RGS6: variants seen among roughly 807,000 people sequenced by gnomAD.
The protein encoded by RGS6 is regulator of G-protein signaling 6.
RGS6 carries 30 observed loss-of-function variants against 78.5 expected under a neutral mutation model. The observed-to-expected ratio is 0.38, with a 90% CI of 0.29 to 0.52. The LOEUF is 0.52. Among genes scored for constraint, RGS6 ranks in the 20% least tolerant of loss-of-function variants. RGS6 has a pLI of 0.85. For missense variants in RGS6, 495 were observed against 609.7 expected, an observed-to-expected ratio of 0.81 and a Z score of 1.98; for synonymous variants, 206 against 206.0, an observed-to-expected ratio of 1.00 and a Z score of 0.00.
At chr14:71,873,745 G>T in the RGS6 span, among the ~76,000 whole-genome samples, 1 of 152,132 alleles carries the variant, frequency 6.6e-6, no homozygotes, top group South Asian at 2.1e-4. Flanking sequence ...GTATTGCCTA[G>T]GTTTTCTTCT....
intron 13 of RGS6, among the ~76,000 whole-genome samples, chr14:72,500,064 C>T (rs1011977000): frequency 3.3e-5 from 5 of 152,226 alleles, no homozygotes; most frequent in African/African-American, 1.2e-4. Flanking sequence ...AATGAACTTC[C>T]TCTTTTGTTC....
rs1416628514 is a variant in RGS6, at chr14:72,327,017, T to C, written c.85-25078T>C. Among the ~76,000 whole-genome samples the C allele has an allele frequency of 4.6e-5, 7 of 152,228 alleles. 1 individual carries two copies. In the South Asian group the frequency reaches 8.3e-4, roughly 18 times the overall value. On this transcript the variant is annotated intron_variant, in intron 2 of 17. Coordinates refer to ENST00000553525, the MANE Select transcript of RGS6 (RefSeq NM_001204424.2). ...CCGTTGCGCCCGGCCAGGTATTTCT[T>C]TATAGCAATGAAAGAGTGGCCTAAC...
chr14:72,357,596 G>A (rs761899213), intron 3 of RGS6, among the ~76,000 whole-genome samples: 2 of 152,206 alleles, frequency 1.3e-5, no homozygotes, highest in African/African-American at 2.4e-5. Flanking sequence ...TTTTGGCCCT[G>A]CCCTAGAGAT....
intron 3 of RGS6, among the ~76,000 whole-genome samples, chr14:72,367,526 A>G (rs561229258): frequency 6.6e-4 from 100 of 152,300 alleles, no homozygotes; most frequent in African/African-American, 2.4e-3. Context: ...ATCACAAAGA[A>G]TAGAGGAATG....
intron 2 of RGS6, among the ~76,000 whole-genome samples, chr14:72,348,002 C>G (rs2078384135): frequency 6.6e-6 from 1 of 152,190 alleles, no homozygotes; most frequent in African/African-American, 2.4e-5. Flanking sequence ...ACTCCAGGAT[C>G]TGCTGGAACT....
chr14:71,935,324 A>G lies in RGS6; in HGVS notation c.-21+2383A>G, dbSNP rs2088899602. 2.6e-5 allele frequency among the ~76,000 whole-genome samples: 4 copies of G among 152,374 alleles called. No individual in the cohort carries two copies. In the South Asian group the frequency reaches 8.3e-4, roughly 32 times the overall value. On this transcript the variant is annotated intron_variant, in intron 1 of 17. Transcript: ENST00000553525. Reference sequence around the variant, plus strand: ...AAAGGTTATCCATAATCTGCTAGGGAGAGGGAGCCACTGTTAACATATCTT... The same window carrying G: ...AAAGGTTATCCATAATCTGCTAGGGGGAGGGAGCCACTGTTAACATATCTT...
At chr14:72,542,011 A>G (rs1456520610) in intron 17 of RGS6, among the ~76,000 whole-genome samples, 1 of 152,228 alleles carries the variant, frequency 6.6e-6, no homozygotes, top group Non-Finnish European at 1.5e-5. Context: ...TCTGAAGTGC[A>G]CACATGGGAG....
At chr14:72,169,401 C>T (rs905312656) in intron 2 of RGS6, among the ~76,000 whole-genome samples, 1 of 152,214 alleles carries the variant, frequency 6.6e-6, no homozygotes, top group Non-Finnish European at 1.5e-5. Flanking sequence ...TCCCTTATGA[C>T]TCCCTTAAGA....
chr14:72,394,687 C>G (rs966754987), intron 3 of RGS6, among the ~76,000 whole-genome samples: 1 of 152,188 alleles, frequency 6.6e-6, no homozygotes, highest in East Asian at 1.9e-4. Flanking sequence ...GTTCTTTTTT[C>G]AAGGTGCCCA....
chr14:72,136,421 A>T (rs2096442526), intron 2 of RGS6, among the ~76,000 whole-genome samples: 1 of 152,216 alleles, frequency 6.6e-6, no homozygotes, highest in Non-Finnish European at 1.5e-5. Flanking sequence ...TTTAAAAGGA[A>T]AGAGGTTTAA....
At chr14:72,359,341 T>C (rs1260503354) in intron 3 of RGS6, among the ~76,000 whole-genome samples, 1 of 151,898 alleles carries the variant, frequency 6.6e-6, no homozygotes, top group Non-Finnish European at 1.5e-5. Flanking sequence ...GAGTTGCTAT[T>C]AATTTCAATG....
the RGS6 span, chr14:71,908,196 C>T: frequency 6.6e-6 from 1 of 152,220 alleles, no homozygotes; most frequent in African/African-American, 2.4e-5. Flanking sequence ...TGGAAGTCTT[C>T]TGTGCATTTC....
At chr14:72,117,436 C>T (rs565346957) in intron 2 of RGS6, among the ~76,000 whole-genome samples, 8 of 152,096 alleles carry the variant, frequency 5.3e-5, no homozygotes, top group East Asian at 1.9e-4. Context: ...GGCTCCCCCC[C>T]ACCCTTCACC....
intron 10 of RGS6, 97 bp from the exon 11 acceptor site, chr14:72,476,645 G>C: frequency 1.2e-6 from 1 of 813,232 alleles, no homozygotes; most frequent in Non-Finnish European, 2.0e-6. Context: ...GTCATGAGGG[G>C]ATTCACGAAA....
intron 2 of RGS6, among the ~76,000 whole-genome samples, chr14:72,132,692 G>T (rs1474704083): frequency 6.6e-6 from 1 of 151,758 alleles, no homozygotes; most frequent in Admixed American, 6.6e-5. Flanking sequence ...CAGCCATTTT[G>T]AAGTTACTTG....
At chr14:72,281,578 A>G (rs1220990781) in intron 2 of RGS6, among the ~76,000 whole-genome samples, 2 of 99,002 alleles carry the variant, frequency 2.0e-5, no homozygotes, top group Non-Finnish European at 5.0e-5. Flanking sequence ...GGGTGATGGG[A>G]TCGAGTGATG....
chr14:71,945,235 G>A (rs2152972998), intron 1 of RGS6, among the ~76,000 whole-genome samples: 1 of 152,286 alleles, frequency 6.6e-6, no homozygotes, highest in East Asian at 1.9e-4. Context: ...TTATCACCAT[G>A]ACATTGCATT....
intron 3 of RGS6, among the ~76,000 whole-genome samples, chr14:72,385,195 A>G (rs2087563763): frequency 6.6e-6 from 1 of 152,232 alleles, no homozygotes; most frequent in South Asian, 2.1e-4. Flanking sequence ...GATTTTGTCA[A>G]AAAATATATT....
intron 17 of RGS6, among the ~76,000 whole-genome samples, chr14:72,546,411 C>G (rs763339278): frequency 6.6e-6 from 1 of 152,116 alleles, no homozygotes; most frequent in Non-Finnish European, 1.5e-5. Flanking sequence ...ACAGGAGTCT[C>G]GAGACTTTTA....
Sources: gnomAD v4.1 joint callset for allele counts (sites outside exome capture counted in the v4.1 genomes callset) on GRCh38, gnomAD v4.1.1 for gene constraint, MANE v1.5 for transcripts, NCBI Gene and HGNC (gene_info 2026-07-23, HGNC 2026-07-21) for gene names.